Variants in AKAP6 observed in about 807,000 individuals in gnomAD.
AKAP6 encodes A-kinase anchoring protein 6, also known as A-kinase anchor protein 6.
AKAP6 carries 58 observed loss-of-function variants against 188.5 expected under a neutral mutation model. That is an observed-to-expected ratio of 0.31 (90% confidence interval 0.25 to 0.38). The LOEUF is 0.38. Ranked by LOEUF, AKAP6 falls within the 10% of genes least tolerant of loss-of-function variation. The probability of loss-of-function intolerance (pLI) is 1.00; values close to 1 mark genes in which losing one functional copy is unlikely to be tolerated. For synonymous variants in AKAP6, 989 were observed against 998.6 expected (o/e 0.99, Z 0.18); for missense variants, 2,710 against 2,740.0 (o/e 0.99, Z 0.24).
rs140326247 is a variant in AKAP6, at chr14:32,701,332, A to G, written c.3000+5222A>G. 5.0e-4 allele frequency among the ~76,000 whole-genome samples: 76 copies of G among 152,308 alleles called. 1 individual carries two copies. Among genetic ancestry groups the G allele is most frequent in the Middle Eastern group, 3.4e-3 (1 of 294 alleles). ...ACACAGTTACTAAAACATGATCCCA[A>G]TGTTATATTTTGAGTTTCCTGGTAG... On this transcript the variant is annotated intron_variant, in intron 9 of 13. Coordinates refer to ENST00000280979, the MANE Select transcript of AKAP6 (RefSeq NM_004274.5).
At chr14:32,536,275 G>T (rs890301110) in intron 3 of AKAP6, among the ~76,000 whole-genome samples, 10 of 152,160 alleles carry the variant, frequency 6.6e-5, no homozygotes, top group South Asian at 4.1e-4. Flanking sequence ...TCAGATGGGA[G>T]GCTTTCCAAA....
rs1447539719 is a variant in AKAP6 at position 32,454,681 on chromosome 14, C to T, written c.324+20864C>T. On this transcript the variant is annotated intron_variant, in intron 2 of 13. Transcript: ENST00000280979. ...TCTCCTTCCCTCCTTCCCTCCTTCC[C>T]TCCTTCCCTCCCTCCCTCCCTCCCT... 7.5e-4 allele frequency among the ~76,000 whole-genome samples: 34 copies of T among 45,270 alleles called. 1 individual carries two copies. The African/African-American group carries it at 8.4e-3, about 11-fold the overall frequency. 29.7% of individuals were successfully genotyped at this position (45,270 alleles called of 152,430 possible). A position where few individuals can be genotyped will look rare whatever the true frequency, so the allele number is the denominator to read the frequency against.
chr14:32,783,026 G>C (rs970208396), intron 12 of AKAP6, among the ~76,000 whole-genome samples: 3 of 152,052 alleles, frequency 2.0e-5, no homozygotes, highest in African/African-American at 7.2e-5. Flanking sequence ...AGCTACAGTA[G>C]TCAAGAAAGT....
At chr14:32,561,820 C>T (rs1201338962) in intron 4 of AKAP6, among the ~76,000 whole-genome samples, 1 of 152,200 alleles carries the variant, frequency 6.6e-6, no homozygotes, top group Non-Finnish European at 1.5e-5. Flanking sequence ...CAAATAAGGT[C>T]AGCTAAGTGA....
chr14:32,824,480 G>C lies in AKAP6; in HGVS notation c.6667G>C (p.Glu2223Gln), dbSNP rs768552118. 1 of 1,614,012 alleles carries C rather than the reference G, an allele frequency of 6.2e-7. No individual in the cohort carries two copies. The highest frequency in any genetic ancestry group is 1.7e-5 in the Admixed American group (1 of 59,940). The change falls in exon 13 of 14, where the codon GAG becomes CAG. Residue 2223 changes from glutamate (E) to glutamine (Q), a missense_variant. Around this residue, in one of 2 missense-constraint regions of AKAP6, gnomAD observed 2,473 missense variants for 2,426.1 expected, o/e 1.02. Transcript: ENST00000280979. Reference sequence around the variant, plus strand: ...AAGTCCTTCCTCTCAGGAAAGAGCTGAGGTTGGAAAGGAAGTGAATGGTTT... The same window carrying C: ...AAGTCCTTCCTCTCAGGAAAGAGCTCAGGTTGGAAAGGAAGTGAATGGTTT... ...LSSPSSQERA[E>Q]VGKEVNGLPQ...
At chr14:32,424,910 G>A (rs1173141318) in intron 1 of AKAP6, among the ~76,000 whole-genome samples, 1 of 152,068 alleles carries the variant, frequency 6.6e-6, no homozygotes, top group Non-Finnish European at 1.5e-5. Flanking sequence ...TCATTGATGG[G>A]CATTTAGGTT....
At chr14:32,465,078 G>A (rs1048308760) in intron 2 of AKAP6, among the ~76,000 whole-genome samples, 3 of 152,100 alleles carry the variant, frequency 2.0e-5, no homozygotes, top group African/African-American at 2.4e-5. Flanking sequence ...CACTGCTCAA[G>A]GAAACAAGAT....
chr14:32,518,884 A>C (rs1881664669), intron 2 of AKAP6, among the ~76,000 whole-genome samples: 1 of 152,218 alleles, frequency 6.6e-6, no homozygotes, highest in Non-Finnish European at 1.5e-5. Flanking sequence ...ACTCCAAGAC[A>C]CATAATTGTC....
At chr14:32,764,337 A>G (rs1311118621) in intron 11 of AKAP6, among the ~76,000 whole-genome samples, 2 of 152,234 alleles carry the variant, frequency 1.3e-5, no homozygotes, top group South Asian at 2.1e-4. Flanking sequence ...TAAATTCTGT[A>G]TAGATTACTA....
chr14:32,686,928 A>G (rs1160556244), intron 8 of AKAP6, among the ~76,000 whole-genome samples: 2 of 152,168 alleles, frequency 1.3e-5, no homozygotes, highest in Admixed American at 6.5e-5. Flanking sequence ...GTTGAGGTTT[A>G]TGCCTTGTAT....
intron 8 of AKAP6, among the ~76,000 whole-genome samples, chr14:32,683,849 C>T (rs1252276316): frequency 1.4e-4 from 22 of 152,144 alleles, no homozygotes; most frequent in Non-Finnish European, 4.4e-5. Context: ...ATAAGAGGCT[C>T]TTCCAGTCAT....
chr14:32,620,280 G>T (rs962597968), intron 7 of AKAP6, among the ~76,000 whole-genome samples: 1 of 152,004 alleles, frequency 6.6e-6, no homozygotes. Flanking sequence ...TTCCCCATTC[G>T]GTATGACATT....
chr14:32,830,302 G>C lies in AKAP6; in HGVS notation c.*497G>C, dbSNP rs1310817279. On this transcript the variant is annotated 3_prime_UTR_variant, in exon 14 of 14. Transcript: ENST00000280979. ...TTATTGAAAGAGTTTTACCTAAAAA[G>C]CCAACATTTGAATTGGTTGCAGCAT... The C allele has an allele frequency of 4.8e-6, 1 of 207,838 alleles. No homozygotes were observed. The highest frequency in any genetic ancestry group is 9.5e-6 in the Non-Finnish European group (1 of 105,074). The allele number at this position is 207,838 out of a possible 1,614,324, so 12.9% of individuals were successfully genotyped here.
intron 1 of AKAP6, among the ~76,000 whole-genome samples, chr14:32,363,303 G>A (rs1020652338): frequency 2.0e-5 from 3 of 152,196 alleles, no homozygotes; most frequent in African/African-American, 7.2e-5. Context: ...GAGGAGATGT[G>A]TATTAGTCAG....
chr14:32,698,173 T>C (rs1175409148), intron 9 of AKAP6, among the ~76,000 whole-genome samples: 1 of 152,164 alleles, frequency 6.6e-6, no homozygotes, highest in South Asian at 2.1e-4. Flanking sequence ...AGGAGTCATG[T>C]AGAACTTCAG....
intron 2 of AKAP6, among the ~76,000 whole-genome samples, chr14:32,505,777 A>G (rs553606589): frequency 6.6e-6 from 1 of 152,302 alleles, no homozygotes; most frequent in East Asian, 1.9e-4. Flanking sequence ...TCTTTTCACA[A>G]TTACAGTCTG....
chr14:32,822,683 T>C lies in AKAP6; in HGVS notation c.4870T>C (p.Ser1624Pro). ...TGGGGATATAAGCGTGAGCAGTGGC[T>C]CAGTTGGTGAACTAAGTAAAAGAAC... The part of the protein sequence containing the change: ...SSGDISVSSG[S>P]VGELSKRTLD... Residue 1624 changes from serine to proline, a missense_variant, in exon 13 of 14, where the codon TCA (serine) becomes CCA (proline). By Grantham distance (74) the Ser-to-Pro change is moderately conservative. Transcript: ENST00000280979. The C allele has an allele frequency of 6.2e-7, 1 of 1,614,014 alleles. No homozygotes were observed. Among genetic ancestry groups the C allele is most frequent in the South Asian group, 1.1e-5 (1 of 91,084 alleles).
At chr14:32,495,686 C>T (rs929382111) in intron 2 of AKAP6, among the ~76,000 whole-genome samples, 28 of 152,160 alleles carry the variant, frequency 1.8e-4, no homozygotes, top group Admixed American at 3.9e-4. Context: ...TAAAATTTAC[C>T]TTCCTCTTTT....
chr14:32,573,479 A>G (rs8016916), intron 4 of AKAP6, among the ~76,000 whole-genome samples: 131,383 of 152,138 alleles, frequency 0.86, 57,091 homozygotes, highest in East Asian at 1. Context: ...CAATATCCAG[A>G]AGAGTGTCCC....
Sources: gnomAD v4.1 joint callset for allele counts (sites outside exome capture counted in the v4.1 genomes callset) on GRCh38, gnomAD v4.1.1 for gene constraint, gnomAD v4.1.1 regional missense constraint, MANE v1.5 for transcripts, NCBI Gene and HGNC (gene_info 2026-07-23, HGNC 2026-07-21) for gene names.